Variants in BMPR1B observed in about 807,000 individuals in gnomAD.
The protein encoded by BMPR1B is bone morphogenetic protein receptor type 1B, also known as bone morphogenetic protein receptor type-1B.
Under a neutral mutation model 59.1 loss-of-function variants are expected in BMPR1B, and 12 were observed. The observed-to-expected ratio is 0.20, with a 90% confidence interval of 0.13 to 0.33. BMPR1B has a LOEUF of 0.33. Ranked by LOEUF, BMPR1B falls within the 10% of genes least tolerant of loss-of-function variation. The pLI, the probability that BMPR1B is intolerant of heterozygous loss-of-function variation, is 1.00. For missense variants in BMPR1B, 550 were observed against 610.9 expected, an observed-to-expected ratio of 0.90 and a Z score of 1.05; for synonymous variants, 237 against 207.3, an observed-to-expected ratio of 1.14 and a Z score of -1.23.
chr4:95,138,699 C>T (rs568725421), intron 10 of BMPR1B, among the ~76,000 whole-genome samples: 47 of 152,322 alleles, frequency 3.1e-4, no homozygotes, highest in African/African-American at 9.4e-4. Context: ...TTGATCGAAT[C>T]GACTACTGAA....
intron 1 of BMPR1B, among the ~76,000 whole-genome samples, chr4:94,769,485 C>T (rs1032046893): frequency 6.6e-6 from 1 of 152,138 alleles, no homozygotes. Context: ...TGGCACATGC[C>T]TGTAATGCCA....
chr4:94,832,328 C>T (rs1724631403), intron 1 of BMPR1B, among the ~76,000 whole-genome samples: 1 of 151,710 alleles, frequency 6.6e-6, no homozygotes, highest in Admixed American at 6.6e-5. Flanking sequence ...TTTCTCAGAA[C>T]CTATTTCTGC....
At chr4:95,115,889 A>T (rs554054433) in intron 6 of BMPR1B, 102 bp downstream of exon 6, 1 of 1,070,216 alleles carries the variant, frequency 9.3e-7, no homozygotes, top group South Asian at 1.3e-5. Context: ...ACCACTTTCC[A>T]CTGCTGGAGC....
At chr4:95,134,106 A>T (rs1323823895) in intron 10 of BMPR1B, among the ~76,000 whole-genome samples, 1 of 152,110 alleles carries the variant, frequency 6.6e-6, no homozygotes, top group East Asian at 1.9e-4. Flanking sequence ...CCCACATATG[A>T]GTGAGAACAT....
chr4:94,942,386 A>G (rs1377090233), intron 2 of BMPR1B, among the ~76,000 whole-genome samples: 3 of 152,164 alleles, frequency 2.0e-5, no homozygotes, highest in Non-Finnish European at 2.9e-5. Context: ...GTGATCGTAA[A>G]TGACTGAGAA....
intron 3 of BMPR1B, among the ~76,000 whole-genome samples, chr4:95,057,548 T>G (rs1243388186): frequency 6.6e-6 from 1 of 152,042 alleles, no homozygotes; most frequent in Non-Finnish European, 1.5e-5. Context: ...AGGGAGAATT[T>G]GATTGGCTGC....
intron 1 of BMPR1B, among the ~76,000 whole-genome samples, chr4:94,768,768 G>C (rs1560806982): frequency 6.6e-6 from 1 of 151,966 alleles, no homozygotes; most frequent in Non-Finnish European, 1.5e-5. Context: ...TTTCTATTTT[G>C]TTATGAAATC....
At chr4:94,771,481 A>G (rs1722184210) in intron 1 of BMPR1B, among the ~76,000 whole-genome samples, 1 of 152,216 alleles carries the variant, frequency 6.6e-6, no homozygotes, top group Non-Finnish European at 1.5e-5. Flanking sequence ...TTGCATGTGG[A>G]AGGTGCTGAT....
At position 94,902,088 on chromosome 4, in the gene BMPR1B, G is replaced by GTGTGTGTGTGTGTGTGT. The variant is rs201783533; in HGVS notation, c.-113+26188_-113+26189insTGTGTGTGTGTGTGTGT. On this transcript the variant is annotated intron_variant, in intron 2 of 12. Coordinates refer to ENST00000515059, the MANE Select transcript of BMPR1B (RefSeq NM_001203.3). ...GTGTGTGTGTGTGTGTGTGTGTGTG[G>GTGTGTGTGTGTGTGTGT]GGTGTATTTAAAGGAAACAACTTGA... 8.7e-4 allele frequency among the ~76,000 whole-genome samples: 104 copies of GTGTGTGTGTGTGTGTGT among 119,874 alleles called. 1 individual carries two copies. Among genetic ancestry groups the GTGTGTGTGTGTGTGTGT allele is most frequent in the African/African-American group, 3.4e-3 (98 of 28,992 alleles). The allele number at this position is 119,874 out of a possible 152,430, so 78.6% of individuals were successfully genotyped here. A position where few individuals can be genotyped will look rare whatever the true frequency, so the allele number is the denominator to read the frequency against.
chr4:95,090,304 AATTAT>A (rs1729886962), intron 3 of BMPR1B, among the ~76,000 whole-genome samples: 1 of 151,722 alleles, frequency 6.6e-6, no homozygotes, highest in Non-Finnish European at 1.5e-5. Context: ...ATTTTATAAA[AATTAT>A]ATTTACATTT....
intron 1 of BMPR1B, among the ~76,000 whole-genome samples, chr4:94,822,937 G>C (rs1448991659): frequency 6.6e-6 from 1 of 152,058 alleles, no homozygotes; most frequent in African/African-American, 2.4e-5. Context: ...GCATTTGAAT[G>C]GGAAATGATA....
At chr4:95,082,807 G>T (rs1318954182) in intron 3 of BMPR1B, among the ~76,000 whole-genome samples, 1 of 152,006 alleles carries the variant, frequency 6.6e-6, no homozygotes, top group African/African-American at 2.4e-5. Context: ...GGGAGGCCGA[G>T]GCGGGCGGAT....
intron 10 of BMPR1B, among the ~76,000 whole-genome samples, chr4:95,134,682 G>T (rs936029811): frequency 6.6e-6 from 1 of 152,150 alleles, no homozygotes; most frequent in African/African-American, 2.4e-5. Context: ...AGAAGTGTCT[G>T]TTCATATCCT....
intron 2 of BMPR1B, among the ~76,000 whole-genome samples, chr4:94,879,138 T>C (rs1292567960): frequency 6.6e-6 from 1 of 152,206 alleles, no homozygotes; most frequent in Non-Finnish European, 1.5e-5. Context: ...TCTCCTATTA[T>C]AATTTCTTCT....
At chr4:94,766,496 A>G (rs1721973580) in intron 1 of BMPR1B, among the ~76,000 whole-genome samples, 1 of 150,888 alleles carries the variant, frequency 6.6e-6, no homozygotes, top group African/African-American at 2.4e-5. Context: ...TTCCAGCCCT[A>G]TACCTGTGAG....
At chr4:94,948,774 TC>T (rs1382403857) in intron 2 of BMPR1B, among the ~76,000 whole-genome samples, 6 of 152,192 alleles carry the variant, frequency 3.9e-5, no homozygotes, top group African/African-American at 1.4e-4. Context: ...TCTTTTTCTT[TC>T]ATTTTAAACT....
rs549022014 is a variant in BMPR1B, at chr4:94,794,996, T to C, written c.-183+36928T>C. On this transcript the variant is annotated intron_variant, in intron 1 of 12. Transcript: ENST00000515059. Reference sequence around the variant, plus strand: ...ACAATTTGACTTCCTCTTTTCCTAATTGAATACCCTTTATTTCCTTCTCCT... The same window carrying C: ...ACAATTTGACTTCCTCTTTTCCTAACTGAATACCCTTTATTTCCTTCTCCT... 3.0e-4 allele frequency among the ~76,000 whole-genome samples: 43 copies of C among 145,422 alleles called. No homozygotes were observed. In the East Asian group the frequency reaches 8.1e-3, roughly 27 times the overall value.
chr4:94,887,522 A>G (rs998190197), intron 2 of BMPR1B, among the ~76,000 whole-genome samples: 3 of 151,754 alleles, frequency 2.0e-5, no homozygotes, highest in Non-Finnish European at 4.4e-5. Context: ...TTTAAAAATT[A>G]AAAACAAATA....
At chr4:94,786,282 T>G (rs746584003) in intron 1 of BMPR1B, among the ~76,000 whole-genome samples, 10 of 152,170 alleles carry the variant, frequency 6.6e-5, no homozygotes, top group Non-Finnish European at 4.4e-5. Context: ...TGTCAGAGCT[T>G]CTTTGGCATG....
Sources: allele counts gnomAD v4.1 joint callset (sites outside exome capture counted in the v4.1 genomes callset), GRCh38; gene constraint gnomAD v4.1.1; transcripts MANE v1.5; gene names NCBI Gene and HGNC (gene_info 2026-07-23, HGNC 2026-07-21).